The following COL25A1 variants were observed in gnomAD, a reference collection of about 807,000 sequenced individuals.
COL25A1 encodes the protein collagen type XXV alpha 1 chain.
A neutral mutation model predicts 128.4 loss-of-function variants in COL25A1; 103 were observed. That is an observed-to-expected ratio of 0.80 (90% CI 0.68 to 0.94). The LOEUF is 0.94. Ranked by LOEUF, COL25A1 falls within the 40% of genes least tolerant of loss-of-function variation. The pLI is 0.00. For missense variants in COL25A1, 745 were observed against 840.0 expected, an observed-to-expected ratio of 0.89 and a Z score of 1.40; for synonymous variants, 279 against 277.2, an observed-to-expected ratio of 1.01 and a Z score of -0.06.
intron 3 of COL25A1, among the ~76,000 whole-genome samples, chr4:109,288,382 G>A (rs1724096919): frequency 6.6e-6 from 1 of 152,114 alleles, no homozygotes; most frequent in Admixed American, 6.6e-5. Context: ...TAAGACAGGA[G>A]CATGGAATTG....
chr4:108,887,623 C>T (rs1302480794), intron 18 of COL25A1, among the ~76,000 whole-genome samples: 2 of 152,146 alleles, frequency 1.3e-5, no homozygotes, highest in Non-Finnish European at 2.9e-5. Flanking sequence ...TAGTTTAAAA[C>T]TGGTTTTTAG....
intron 5 of COL25A1, among the ~76,000 whole-genome samples, chr4:109,031,659 G>C (rs1210854159): frequency 6.6e-6 from 1 of 152,114 alleles, no homozygotes; most frequent in Non-Finnish European, 1.5e-5. Flanking sequence ...CAAAGAAAAT[G>C]ACATCTCATT....
rs775343665 is a variant in COL25A1, at chr4:109,301,987, C to T, written c.33G>A (p.Gly11=). Residue 11 remains glycine, a synonymous_variant, in exon 2 of 38, where the codon GGG becomes GGA. Transcript: ENST00000399132. The part of the protein sequence containing the change: MLLKKHAGKG[G]GREPRSEDPT... ...GGTCCTCGGATCTGGGCTCCCGGCC[C>T]CCTCCTTTCCCTGCGTGCTTCTTCA... 3.4e-5 allele frequency: 54 copies of T among 1,601,966 alleles called. 1 individual carries two copies. In the South Asian group the frequency reaches 4.7e-4, roughly 14 times the overall value.
intron 24 of COL25A1, among the ~76,000 whole-genome samples, chr4:108,858,135 G>A (rs1455109689): frequency 1.3e-5 from 2 of 152,144 alleles, no homozygotes; most frequent in South Asian, 2.1e-4. Flanking sequence ...TCCACAGGAA[G>A]GGCATGACTA....
chr4:108,952,849 TTTTTTTTG>T (rs1215019358), intron 8 of COL25A1, among the ~76,000 whole-genome samples: 43 of 136,388 alleles, frequency 3.2e-4, no homozygotes, highest in African/African-American at 1.4e-3. Flanking sequence ...TTTTTTTTTT[TTTTTTTTG>T]GCATGTTTCA....
chr4:109,254,469 TTATATATATA>T lies in COL25A1; in HGVS notation c.367+46104_367+46113del, dbSNP rs55997800. Among the ~76,000 whole-genome samples, 47 of 59,584 alleles carry T rather than the reference TTATATATATA, an allele frequency of 7.9e-4. 2 individuals carry two copies. The highest frequency in any genetic ancestry group is 1.6e-3 in the Admixed American group (7 of 4,486). 39.1% of individuals were successfully genotyped at this position (59,584 alleles called of 152,430 possible). ...GTGCTATGTACATGTAGGCATATGT[TTATATATATA>T]TATATATATATATATATATATATAT... On this transcript the variant is annotated intron_variant, in intron 3 of 37. Transcript: ENST00000399132.
chr4:109,171,351 C>A (rs538135309), intron 3 of COL25A1, among the ~76,000 whole-genome samples: 1 of 152,236 alleles, frequency 6.6e-6, no homozygotes, highest in Admixed American at 6.5e-5. Flanking sequence ...AACCCTAATC[C>A]CAGTTTGATA....
chr4:109,193,625 AC>A (rs1214589816), intron 3 of COL25A1, among the ~76,000 whole-genome samples: 1 of 152,178 alleles, frequency 6.6e-6, no homozygotes, highest in East Asian at 1.9e-4. Context: ...TGATTTCATC[AC>A]CACCTCTTCT....
At chr4:109,247,135 G>A (rs866766263) in intron 3 of COL25A1, among the ~76,000 whole-genome samples, 2 of 152,130 alleles carry the variant, frequency 1.3e-5, no homozygotes, top group Non-Finnish European at 2.9e-5. Context: ...AGGCCGAGGC[G>A]GGTGGATCAC....
chr4:109,255,165 C>T (rs1402795854), intron 3 of COL25A1, among the ~76,000 whole-genome samples: 1 of 152,022 alleles, frequency 6.6e-6, no homozygotes, highest in Non-Finnish European at 1.5e-5. Flanking sequence ...CCACTGGGGA[C>T]AATATGAATA....
intron 3 of COL25A1, among the ~76,000 whole-genome samples, chr4:109,173,754 T>C (rs1214035318): frequency 6.6e-6 from 1 of 152,230 alleles, no homozygotes; most frequent in African/African-American, 2.4e-5. Context: ...TATTGTCAAC[T>C]ATAATTCTTA....
chr4:109,234,986 TAAA>T (rs987239819), intron 3 of COL25A1, among the ~76,000 whole-genome samples: 2 of 152,026 alleles, frequency 1.3e-5, no homozygotes, highest in Non-Finnish European at 2.9e-5. Context: ...GAGAAACAGA[TAAA>T]TAAAGTTTAT....
At chr4:108,990,057 A>T (rs1470087757) in intron 6 of COL25A1, among the ~76,000 whole-genome samples, 4 of 151,094 alleles carry the variant, frequency 2.6e-5, no homozygotes. Context: ...TACTAAAAAT[A>T]CCAAAAATTA....
chr4:109,133,454 A>G (rs374228051), intron 3 of COL25A1, among the ~76,000 whole-genome samples: 229 of 152,252 alleles, frequency 1.5e-3, no homozygotes, highest in African/African-American at 5.0e-3. Context: ...TAAGACATTG[A>G]AGGAAAAAAA....
At chr4:109,210,792 T>C (rs1476609574) in intron 3 of COL25A1, among the ~76,000 whole-genome samples, 2 of 152,056 alleles carry the variant, frequency 1.3e-5, no homozygotes, top group Non-Finnish European at 2.9e-5. Flanking sequence ...CACCTGGGAA[T>C]AGATAAAGCA....
Position 109,209,748 on chromosome 4 carries a change from C to T in COL25A1, c.367+90835G>A, listed in dbSNP as rs77616646. On this transcript the variant is annotated intron_variant, in intron 3 of 37. Transcript: ENST00000399132. Reference sequence around the variant, plus strand: ...GTATCTTATGTTTTCATTGGAAATACTTGCTCTCAAGAGTAAACCTCAAGC... The same window carrying T: ...GTATCTTATGTTTTCATTGGAAATATTTGCTCTCAAGAGTAAACCTCAAGC... Among the ~76,000 whole-genome samples the T allele has an allele frequency of 7.7e-3, 1,177 of 152,170 alleles. 58 individuals carry two copies. In the South Asian group the frequency reaches 0.14, roughly 18 times the overall value.
At chr4:109,250,619 G>A (rs1460266201) in intron 3 of COL25A1, among the ~76,000 whole-genome samples, 1 of 152,220 alleles carries the variant, frequency 6.6e-6, no homozygotes, top group African/African-American at 2.4e-5. Context: ...TTATGACAGA[G>A]AAAGCAAATT....
chr4:108,962,496 A>G (rs1750843743), intron 8 of COL25A1, among the ~76,000 whole-genome samples: 1 of 152,090 alleles, frequency 6.6e-6, no homozygotes, highest in Admixed American at 6.6e-5. Context: ...CTTAATTATA[A>G]GGAATTACTT....
intron 3 of COL25A1, among the ~76,000 whole-genome samples, chr4:109,090,934 G>A (rs1024147795): frequency 6.6e-6 from 1 of 152,112 alleles, no homozygotes; most frequent in African/African-American, 2.4e-5. Flanking sequence ...AATGTTCTAA[G>A]GGAAGACCTT....
Sources: gnomAD v4.1 joint callset for allele counts (sites outside exome capture counted in the v4.1 genomes callset) on GRCh38, gnomAD v4.1.1 for gene constraint, MANE v1.5 for transcripts, NCBI Gene and HGNC (gene_info 2026-07-23, HGNC 2026-07-21) for gene names.